Variants in ANKRD28 observed in about 807,000 individuals in gnomAD.
ANKRD28 encodes serine/threonine-protein phosphatase 6 regulatory ankyrin repeat subunit A.
ANKRD28 carries 44 observed loss-of-function variants against 126.5 expected under a neutral mutation model. The observed-to-expected ratio is 0.35, with a 90% CI of 0.27 to 0.45. ANKRD28 has a LOEUF of 0.45. Ranked by LOEUF, ANKRD28 falls within the 20% of genes least tolerant of loss-of-function variation. The pLI is 1.00. For synonymous variants in ANKRD28, 442 were observed against 468.5 expected (o/e 0.94, Z 0.73); for missense variants, 1,110 against 1,316.6 (o/e 0.84, Z 2.43).
chr3:15,741,697 C>CTTTT lies in ANKRD28; in HGVS notation c.352-4468_352-4465dup, dbSNP rs58655271. Among the ~76,000 whole-genome samples the CTTTT allele has an allele frequency of 5.3e-4, 18 of 33,660 alleles. 1 individual carries two copies. Among genetic ancestry groups the CTTTT allele is most frequent in the African/African-American group, 1.1e-3 (12 of 11,126 alleles). The allele number at this position is 33,660 out of a possible 152,430, so 22.1% of individuals were successfully genotyped here. ...ACCAGTTTTCCCCTTTGGTTCTATCCTTTTTTTTTTTTTTTTTTTTTTTTT... is the reference window on the plus strand; with the variant it reads ...ACCAGTTTTCCCCTTTGGTTCTATCCTTTTTTTTTTTTTTTTTTTTTTTTTTTTT... On this transcript the variant is annotated intron_variant, in intron 4 of 27. Transcript: ENST00000683139.
At chr3:15,709,817 G>T in intron 12 of ANKRD28, 81 bp from the exon 13 acceptor site, 1 of 850,140 alleles carries the variant, frequency 1.2e-6, no homozygotes, top group Non-Finnish European at 1.8e-6. Flanking sequence ...AAGCATGAAA[G>T]CATGTTTTTA....
At chr3:15,787,299 C>T in intron 2 of ANKRD28, among the ~76,000 whole-genome samples, 1 of 152,088 alleles carries the variant, frequency 6.6e-6, no homozygotes, top group Non-Finnish European at 1.5e-5. Flanking sequence ...GTTTCAGGAC[C>T]ATCAGAGTAA....
At position 15,817,197 on chromosome 3, in the gene ANKRD28, T is replaced by C. The variant is rs1235899795; in HGVS notation, c.28-21891A>G. The stretch of plus-strand genomic sequence containing the variant: ...GATTTTCCTTAACATGTAACAGTGA[T>C]GAACAATTTCTCACGCACAAACATT... On this transcript the variant is annotated intron_variant, in intron 1 of 27. Transcript: ENST00000399451. The surrounding 1 kb of genome is among the most constrained non-coding windows in gnomAD (Gnocchi z 4.5). Among the ~76,000 whole-genome samples, 1 of 152,218 alleles carries C rather than the reference T, an allele frequency of 6.6e-6. No individual in the cohort carries two copies. Among genetic ancestry groups the C allele is most frequent in the African/African-American group, 2.4e-5 (1 of 41,448 alleles).
chr3:15,704,141 A>G (rs1238234455), intron 14 of ANKRD28, among the ~76,000 whole-genome samples: 6 of 152,142 alleles, frequency 3.9e-5, no homozygotes, highest in Admixed American at 3.9e-4. Context: ...AATATTTCAC[A>G]TATTTAATAT....
At chr3:15,775,156 C>T (rs542232517) in intron 2 of ANKRD28, among the ~76,000 whole-genome samples, 15 of 152,328 alleles carry the variant, frequency 9.8e-5, no homozygotes, top group African/African-American at 2.2e-4. Context: ...GGATTACAGG[C>T]GTGAGCCACT....
chr3:15,792,013 C>T (rs2060052366), intron 2 of ANKRD28, among the ~76,000 whole-genome samples: 1 of 152,002 alleles, frequency 6.6e-6, no homozygotes, highest in Non-Finnish European at 1.5e-5. Context: ...ATCAGATATC[C>T]AAAACTCAAT....
intron 1 of ANKRD28, among the ~76,000 whole-genome samples, chr3:15,824,118 A>G (rs2061005716): frequency 6.6e-6 from 1 of 152,236 alleles, no homozygotes; most frequent in Admixed American, 6.5e-5. Context: ...AAACCAAAAA[A>G]TCATCTCTAT....
intron 1 of ANKRD28, among the ~76,000 whole-genome samples, chr3:15,855,820 G>A (rs1053440625): frequency 7.2e-5 from 11 of 152,170 alleles, no homozygotes; most frequent in Admixed American, 4.6e-4. Context: ...TTTCTTTTTG[G>A]AAATGATAAA....
intron 1 of ANKRD28, among the ~76,000 whole-genome samples, chr3:15,850,604 C>T (rs1005415557): frequency 3.9e-5 from 6 of 152,072 alleles, no homozygotes; most frequent in Non-Finnish European, 7.4e-5. Context: ...TCTGTCTTCT[C>T]TTCTGTTGGG....
intron 8 of ANKRD28, among the ~76,000 whole-genome samples, chr3:15,717,519 T>A (rs1441681136): frequency 4.0e-5 from 6 of 148,322 alleles, no homozygotes; most frequent in South Asian, 2.1e-4. Flanking sequence ...AAACTAGGAG[T>A]ATTAAGAAAA....
At chr3:15,828,952 G>T (rs1206558137) in intron 1 of ANKRD28, among the ~76,000 whole-genome samples, 1 of 152,100 alleles carries the variant, frequency 6.6e-6, no homozygotes, top group African/African-American at 2.4e-5. Flanking sequence ...CAAAGCCCAA[G>T]GAATTTAAAT....
chr3:15,726,291 G>GC (rs1256743994), intron 6 of ANKRD28, among the ~76,000 whole-genome samples: 1 of 152,160 alleles, frequency 6.6e-6, no homozygotes. Flanking sequence ...TGAAAGCTAG[G>GC]CCTCCTGTGA....
At chr3:15,852,457 G>A (rs1274337519) in intron 1 of ANKRD28, among the ~76,000 whole-genome samples, 1 of 151,928 alleles carries the variant, frequency 6.6e-6, no homozygotes, top group African/African-American at 2.4e-5. Flanking sequence ...ATTATCTTTG[G>A]ACTTAAATCC....
At chr3:15,806,023 C>T (rs1241734748) in intron 1 of ANKRD28, among the ~76,000 whole-genome samples, 1 of 152,114 alleles carries the variant, frequency 6.6e-6, no homozygotes, top group Non-Finnish European at 1.5e-5. Context: ...CTGACCATAG[C>T]TATTTTTAAA....
At chr3:15,753,727 G>C (rs536802375) in intron 3 of ANKRD28, among the ~76,000 whole-genome samples, 14,557 of 152,108 alleles carry the variant, frequency 0.096, 2,136 homozygotes, top group African/African-American at 0.31. Flanking sequence ...CAGATTGCTT[G>C]AAGACAGGAG....
At position 15,833,391 on chromosome 3, in the gene ANKRD28, C is replaced by A. The variant is rs964563152; in HGVS notation, c.27+25986G>T. Among the ~76,000 whole-genome samples the A allele has an allele frequency of 6.6e-6, 1 of 152,002 alleles. No homozygotes were observed. The highest frequency in any genetic ancestry group is 1.5e-5 in the Non-Finnish European group (1 of 67,984). Reference sequence around the variant, plus strand: ...AAGTTATTCAGTTTTGGGGCTCGGACTGGCTATCCTTGCTCCTCAGCTGGC... The same window carrying A: ...AAGTTATTCAGTTTTGGGGCTCGGAATGGCTATCCTTGCTCCTCAGCTGGC... On this transcript the variant is annotated intron_variant, in intron 1 of 27. Transcript: ENST00000399451. The surrounding 1 kb of genome is among the most constrained non-coding windows in gnomAD (Gnocchi z 4.4).
chr3:15,753,701 G>A (rs1236872382), intron 3 of ANKRD28, among the ~76,000 whole-genome samples: 1 of 149,506 alleles, frequency 6.7e-6, no homozygotes, highest in African/African-American at 2.6e-5. Context: ...TAGCACTTTT[G>A]GGAGGCTGAG....
chr3:15,724,409 G>T lies in ANKRD28; in HGVS notation c.756C>A (p.Val252=), dbSNP rs560636166. 6 of 1,607,010 alleles carry T rather than the reference G, an allele frequency of 3.7e-6. No homozygotes were observed. In the East Asian group the frequency reaches 1.1e-4, roughly 30 times the overall value. Residue 252 remains valine, a synonymous_variant, in exon 7 of 28, where the codon GTC becomes GTA. Coordinates refer to ENST00000683139, the MANE Select transcript of ANKRD28 (RefSeq NM_001349278.2). ...AAASSGMISV[V]KYLLDLGVDM... ...CAACTCCAAGATCTAGAAGGTACTTGACTACGCTGATCATTCCACTAGAGG... is the reference window on the plus strand; with the variant it reads ...CAACTCCAAGATCTAGAAGGTACTTTACTACGCTGATCATTCCACTAGAGG...
At position 15,721,020 on chromosome 3, in the gene ANKRD28, T is replaced by C; in HGVS notation, c.891A>G (p.Gln297=). The part of the protein sequence containing the change: ...ELIDCGAIVN[Q]KNEKGFTPLH... ...AAGGAGTAAATCCTTTTTCATTCTT[T>C]TGATTCACAATAGCACCACAGTCTA... Residue 297 remains glutamine, a synonymous_variant, in exon 8 of 28, where the codon CAA becomes CAG. Transcript: ENST00000683139. The C allele has an allele frequency of 6.2e-7, 1 of 1,613,934 alleles. No individual in the cohort carries two copies. The highest frequency in any genetic ancestry group is 1.1e-5 in the South Asian group (1 of 91,076).
Sources: gnomAD v4.1 joint callset for allele counts (sites outside exome capture counted in the v4.1 genomes callset) on GRCh38, gnomAD v4.1.1 for gene constraint, Gnocchi (gnomAD v3.1) non-coding constraint, MANE v1.5 for transcripts, NCBI Gene and HGNC (gene_info 2026-07-23, HGNC 2026-07-21) for gene names.